Variants in MYO3B observed in about 807,000 individuals in gnomAD.
MYO3B encodes the protein myosin-IIIb.
Under a neutral mutation model 174.6 loss-of-function variants are expected in MYO3B, and 156 were observed. The observed-to-expected ratio is 0.89, with a 90% CI of 0.78 to 1.02. MYO3B has a LOEUF of 1.02. Ranked by LOEUF, MYO3B falls within the 50% of genes least tolerant of loss-of-function variation. MYO3B has a pLI of 0.00. For missense variants in MYO3B, 1,632 were observed against 1,639.4 expected (o/e 1.00, Z 0.08); for synonymous variants, 563 against 569.1 (o/e 0.99, Z 0.15).
chr2:170,374,758 T>TACACAC (rs201921789), intron 9 of MYO3B, among the ~76,000 whole-genome samples: 4,014 of 139,942 alleles, frequency 0.029, 99 homozygotes, highest in Admixed American at 0.061. Context: ...TATGCATACA[T>TACACAC]ACACACACAC....
At chr2:170,375,790 G>A (rs963267047) in intron 9 of MYO3B, among the ~76,000 whole-genome samples, 9 of 151,698 alleles carry the variant, frequency 5.9e-5, no homozygotes, top group African/African-American at 2.2e-4. Flanking sequence ...GGGTTCTTAT[G>A]TAAATAAGTA....
intron 23 of MYO3B, among the ~76,000 whole-genome samples, chr2:170,454,376 G>A (rs948091005): frequency 3.3e-5 from 5 of 152,158 alleles, no homozygotes; most frequent in African/African-American, 4.8e-5. Context: ...CCAAGATTGG[G>A]CTACAGACAG....
intron 30 of MYO3B, among the ~76,000 whole-genome samples, chr2:170,526,071 A>C (rs961055068): frequency 6.6e-6 from 1 of 152,154 alleles, no homozygotes; most frequent in Non-Finnish European, 1.5e-5. Context: ...TGTGGTAAAC[A>C]CTGTATGTAT....
At chr2:170,419,525 G>A (rs2094601996) in intron 22 of MYO3B, among the ~76,000 whole-genome samples, 1 of 152,204 alleles carries the variant, frequency 6.6e-6, no homozygotes, top group Non-Finnish European at 1.5e-5. Flanking sequence ...AGTAGTGGGG[G>A]TTATTAGGGC....
chr2:170,425,541 T>C (rs560009403), intron 22 of MYO3B, among the ~76,000 whole-genome samples: 25 of 152,240 alleles, frequency 1.6e-4, no homozygotes, highest in Non-Finnish European at 2.9e-4. Flanking sequence ...CTTCAAGTTA[T>C]ACAAAAATCA....
At chr2:170,226,229 G>T (rs557485156) in intron 6 of MYO3B, among the ~76,000 whole-genome samples, 1 of 152,324 alleles carries the variant, frequency 6.6e-6, no homozygotes, top group South Asian at 2.1e-4. Flanking sequence ...GGCTTTGGGA[G>T]CTCAGGAGAG....
At chr2:170,332,113 T>C (rs1251585252) in intron 7 of MYO3B, 3 of 152,326 alleles carry the variant, frequency 2.0e-5, no homozygotes, top group Non-Finnish European at 2.9e-5. Flanking sequence ...CCTGCTTTAA[T>C]TGGATATGGG....
At chr2:170,573,241 A>C (rs1692563967) in intron 32 of MYO3B, among the ~76,000 whole-genome samples, 1 of 151,154 alleles carries the variant, frequency 6.6e-6, no homozygotes. Flanking sequence ...ATATATATAT[A>C]TATATATATG....
chr2:170,215,508 C>G (rs2092818206), intron 5 of MYO3B, among the ~76,000 whole-genome samples: 1 of 151,920 alleles, frequency 6.6e-6, no homozygotes, highest in African/African-American at 2.4e-5. Context: ...AATAGTACTT[C>G]AGAGTCATTG....
At chr2:170,650,510 T>A (rs1698916221) in intron 32 of MYO3B, among the ~76,000 whole-genome samples, 1 of 151,974 alleles carries the variant, frequency 6.6e-6, no homozygotes, top group Non-Finnish European at 1.5e-5. Flanking sequence ...TGATAGCTTT[T>A]CTCTAAACAA....
rs931556601 is a variant in MYO3B, at chr2:170,342,647, T to C, written c.815+7197T>C. On this transcript the variant is annotated intron_variant, in intron 8 of 34. Transcript: ENST00000408978. Reference sequence around the variant, plus strand: ...TGTATATGTAGCACTTGACAAATAATAATAATAATTAACATATATAACTCT... The same window carrying C: ...TGTATATGTAGCACTTGACAAATAACAATAATAATTAACATATATAACTCT... Among the ~76,000 whole-genome samples, 3 of 152,308 alleles carry C rather than the reference T, an allele frequency of 2.0e-5. No homozygotes were observed. In the East Asian group the frequency reaches 5.8e-4, roughly 29 times the overall value.
At chr2:170,289,996 T>G (rs922166232) in intron 7 of MYO3B, among the ~76,000 whole-genome samples, 14 of 152,290 alleles carry the variant, frequency 9.2e-5, no homozygotes, top group Admixed American at 9.2e-4. Context: ...TATGTGTTTG[T>G]GTGTTTTCCA....
At chr2:170,453,610 A>G (rs896599513) in intron 23 of MYO3B, among the ~76,000 whole-genome samples, 1 of 152,146 alleles carries the variant, frequency 6.6e-6, no homozygotes, top group Admixed American at 6.6e-5. Flanking sequence ...GACCCTGCTC[A>G]CCACACCATA....
At chr2:170,477,136 C>T (rs555185407) in intron 25 of MYO3B, among the ~76,000 whole-genome samples, 1 of 152,308 alleles carries the variant, frequency 6.6e-6, no homozygotes, top group South Asian at 2.1e-4. Context: ...ACCATTCTCC[C>T]TCACATAGCC....
intron 1 of MYO3B, among the ~76,000 whole-genome samples, chr2:170,178,548 C>CCACACACACA (rs3066877): frequency 1.5e-4 from 22 of 151,282 alleles, no homozygotes; most frequent in Admixed American, 1.2e-3. Flanking sequence ...CAGACACACA[C>CCACACACACA]CACACACACA....
Position 170,318,080 on chromosome 2 carries a change from C to T in MYO3B, c.750-17305C>T, listed in dbSNP as rs116293488. Reference sequence around the variant, plus strand: ...TGTGAAATAAGAGTAATCATGCCACCTTACCTAGGTCATAGGGTCATTTTG... The same window carrying T: ...TGTGAAATAAGAGTAATCATGCCACTTTACCTAGGTCATAGGGTCATTTTG... On this transcript the variant is annotated intron_variant, in intron 7 of 34. Coordinates refer to ENST00000408978, the MANE Select transcript of MYO3B (RefSeq NM_138995.5). Among the ~76,000 whole-genome samples, 295 of 152,286 alleles carry T rather than the reference C, an allele frequency of 1.9e-3. 1 individual carries two copies. Among genetic ancestry groups the T allele is most frequent in the African/African-American group, 6.4e-3 (267 of 41,556 alleles).
At chr2:170,361,465 T>TAGGGTGGTGG (rs1161911128) in intron 8 of MYO3B, among the ~76,000 whole-genome samples, 1 of 152,236 alleles carries the variant, frequency 6.6e-6, no homozygotes, top group Non-Finnish European at 1.5e-5. Flanking sequence ...ACTGCCTTAA[T>TAGGGTGGTGG]TCTCGGACAC....
At chr2:170,331,668 C>A (rs2093912571) in intron 7 of MYO3B, among the ~76,000 whole-genome samples, 1 of 152,128 alleles carries the variant, frequency 6.6e-6, no homozygotes, top group African/African-American at 2.4e-5. Context: ...GGCTGTACTC[C>A]TTTCTTAAGG....
At chr2:170,522,160 C>A (rs188508225) in intron 30 of MYO3B, among the ~76,000 whole-genome samples, 27 of 152,310 alleles carry the variant, frequency 1.8e-4, no homozygotes, top group African/African-American at 5.5e-4. Context: ...GATACCATCT[C>A]TCACCAGTGT....
Sources: allele counts gnomAD v4.1 joint callset (sites outside exome capture counted in the v4.1 genomes callset), GRCh38; gene constraint gnomAD v4.1.1; transcripts MANE v1.5; gene names NCBI Gene and HGNC (gene_info 2026-07-23, HGNC 2026-07-21).